The following OGDH variants were observed in gnomAD, a reference collection of about 807,000 sequenced individuals.
OGDH encodes the protein 2-oxoglutarate dehydrogenase complex component E1.
OGDH carries 38 observed loss-of-function variants against 116.6 expected under a neutral mutation model. That is an observed-to-expected ratio of 0.33 (90% confidence interval 0.25 to 0.43). OGDH has a LOEUF of 0.43. Among genes scored for constraint, OGDH ranks in the 20% least tolerant of loss-of-function variants. The pLI is 1.00. For missense variants in OGDH, 825 were observed against 1,357.2 expected (o/e 0.61, Z 6.16); for synonymous variants, 488 against 533.3 (o/e 0.92, Z 1.17).
At chr7:44,620,121 A>G (rs1315427897) in intron 1 of OGDH, among the ~76,000 whole-genome samples, 1 of 152,186 alleles carries the variant, frequency 6.6e-6, no homozygotes, top group Non-Finnish European at 1.5e-5. Flanking sequence ...CCTGGGTTCA[A>G]GGGATTCTCC....
chr7:44,680,833 T>C (rs557490945), intron 9 of OGDH, among the ~76,000 whole-genome samples: 1 of 152,346 alleles, frequency 6.6e-6, no homozygotes, highest in Non-Finnish European at 1.5e-5. Context: ...GAAAGAGACC[T>C]GTCCCTGTTC....
intron 14 of OGDH, 49 bp downstream of exon 14, chr7:44,696,606 G>C (rs1788591435): frequency 6.2e-7 from 1 of 1,610,284 alleles, no homozygotes; most frequent in African/African-American, 1.3e-5. Flanking sequence ...CCAGGCCAGG[G>C]GCGACGACTG....
intron 8 of OGDH, 73 bp from the exon 9 acceptor site, chr7:44,675,897 C>T (rs1787671468): frequency 1.3e-6 from 2 of 1,498,334 alleles, no homozygotes; most frequent in Non-Finnish European, 1.8e-6. Context: ...AAAAAAATTC[C>T]CGTATAAAAG....
At chr7:44,629,447 AC>A (rs1261940326) in intron 2 of OGDH, among the ~76,000 whole-genome samples, 1 of 152,054 alleles carries the variant, frequency 6.6e-6, no homozygotes, top group Non-Finnish European at 1.5e-5. Flanking sequence ...TGGCTTTCTC[AC>A]AGCTTGCTTT....
At chr7:44,688,553 C>G (rs928450449) in intron 10 of OGDH, among the ~76,000 whole-genome samples, 2 of 150,448 alleles carry the variant, frequency 1.3e-5, no homozygotes, top group Non-Finnish European at 3.0e-5. Context: ...GCCTCAGCCT[C>G]CCAAGTAGCT....
intron 1 of OGDH, among the ~76,000 whole-genome samples, chr7:44,608,877 A>G (rs966879122): frequency 3.3e-5 from 5 of 152,332 alleles, no homozygotes; most frequent in African/African-American, 1.2e-4. Flanking sequence ...GTCATAATAA[A>G]TAGTACAGAG....
chr7:44,686,665 G>A (rs893396626), intron 10 of OGDH, among the ~76,000 whole-genome samples: 1 of 151,444 alleles, frequency 6.6e-6, no homozygotes, highest in Non-Finnish European at 1.5e-5. Context: ...TTTCTTTGTG[G>A]GAAGGTTTTT....
intron 12 of OGDH, among the ~76,000 whole-genome samples, chr7:44,695,761 C>T (rs1329395442): frequency 6.6e-6 from 1 of 151,304 alleles, no homozygotes; most frequent in Non-Finnish European, 1.5e-5. Flanking sequence ...AGAATCTCTA[C>T]CCAGCAAATG....
At chr7:44,636,473 T>C (rs953702047) in intron 2 of OGDH, among the ~76,000 whole-genome samples, 1 of 152,376 alleles carries the variant, frequency 6.6e-6, no homozygotes, top group Admixed American at 6.5e-5. Context: ...GCGCCTCTGC[T>C]GCAGTGAGGG....
chr7:44,634,285 A>C (rs1419476223), intron 2 of OGDH, among the ~76,000 whole-genome samples: 1 of 151,900 alleles, frequency 6.6e-6, no homozygotes, highest in African/African-American at 2.4e-5. Context: ...GTACACTGCT[A>C]CTCCCCACGC....
intron 4 of OGDH, among the ~76,000 whole-genome samples, chr7:44,654,979 G>T (rs1254733444): frequency 6.6e-6 from 1 of 152,128 alleles, no homozygotes; most frequent in Non-Finnish European, 1.5e-5. Context: ...ATCTTCTATT[G>T]TTCTCTTAAC....
chr7:44,660,444 C>G (rs1403360874), intron 4 of OGDH, among the ~76,000 whole-genome samples: 1 of 152,078 alleles, frequency 6.6e-6, no homozygotes, highest in Non-Finnish European at 1.5e-5. Context: ...TTTCTTGTTA[C>G]CTTTCTTATT....
chr7:44,695,634 C>T (rs1427766352), intron 12 of OGDH, among the ~76,000 whole-genome samples: 17 of 149,894 alleles, frequency 1.1e-4, no homozygotes, highest in African/African-American at 3.4e-4. Context: ...ACCCGGGAGG[C>T]GGAAGTTGCA....
chr7:44,673,857 G>A lies in OGDH; in HGVS notation c.704G>A (p.Arg235Gln). Residue 235 changes from arginine (R) to glutamine (Q), a missense_variant, in exon 6 of 23, where the codon CGG becomes CAG. This residue lies in a region of OGDH where 171 missense variants were observed against 276.8 expected (regional missense o/e 0.62). Coordinates refer to ENST00000222673, the MANE Select transcript of OGDH (RefSeq NM_002541.4). ...GACCTGGAGCAGTGCCAGTGGATCC[G>A]GCAGAAGTTTGAGACCCCTGGGATC... ...INDLEQCQWI[R>Q]QKFETPGIMQ... 1 of 1,614,246 alleles carries A rather than the reference G, an allele frequency of 6.2e-7. No individual in the cohort carries two copies. Among genetic ancestry groups the A allele is most frequent in the African/African-American group, 1.3e-5 (1 of 75,070 alleles).
At chr7:44,674,390 G>T in intron 6 of OGDH, 21 bp from the exon 7 acceptor site, 2 of 1,613,910 alleles carry the variant, frequency 1.2e-6, no homozygotes, top group South Asian at 2.2e-5. Flanking sequence ...GCCCTTCAAG[G>T]TGGCTTGGTT....
In OGDH at chr7:44,696,451, G is replaced by T; in HGVS notation, c.1794G>T (p.Gln598His). The change falls in exon 14 of 23, where the codon CAG (glutamine) becomes CAT (histidine). Residue 598 changes from glutamine (Q) to histidine (H), a missense_variant. Transcript: ENST00000222673. ...TAGGCTTCTTCACCCTGGACGGGCA[G>T]CCCAGGAGCATGTCCTGCCCCTCCA... is the stretch of plus-strand genomic sequence containing the variant. ...PWPGFFTLDG[Q>H]PRSMSCPSTG... 6.2e-7 allele frequency: 1 copy of T among 1,614,196 alleles called. No individual in the cohort carries two copies. The highest frequency in any genetic ancestry group is 8.5e-7 in the Non-Finnish European group (1 of 1,180,020).
intron 1 of OGDH, among the ~76,000 whole-genome samples, chr7:44,614,070 T>C (rs1784673224): frequency 6.6e-6 from 1 of 152,108 alleles, no homozygotes; most frequent in Non-Finnish European, 1.5e-5. Context: ...CCTCCCAAAG[T>C]GCTGGGATTA....
intron 9 of OGDH, 128 bp from the exon 10 acceptor site, chr7:44,681,592 T>C: frequency 7.5e-7 from 1 of 1,329,950 alleles, no homozygotes; most frequent in South Asian, 1.4e-5. Context: ...ACTTTCCTGC[T>C]ACTTTCTATG....
At chr7:44,610,892 G>A (rs1186035744) in intron 1 of OGDH, among the ~76,000 whole-genome samples, 1 of 152,190 alleles carries the variant, frequency 6.6e-6, no homozygotes, top group African/African-American at 2.4e-5. Context: ...ACAGGCGTGA[G>A]CCACCGCGCT....
Sources: allele counts gnomAD v4.1 joint callset (sites outside exome capture counted in the v4.1 genomes callset), GRCh38; gene constraint gnomAD v4.1.1; regional missense constraint gnomAD v4.1.1; transcripts MANE v1.5; gene names NCBI Gene and HGNC (gene_info 2026-07-23, HGNC 2026-07-21).